Variants in BANF2 observed in about 807,000 individuals in gnomAD.
The protein encoded by BANF2 is BANF family member 2.
A neutral mutation model predicts 8.0 loss-of-function variants in BANF2; 4 were observed. That is an observed-to-expected ratio of 0.50 (90% CI 0.25 to 1.14). BANF2 has a LOEUF of 1.14. BANF2 is among the 50% of genes most tolerant of loss of function. The pLI, the probability that BANF2 is intolerant of heterozygous loss-of-function variation, is 0.16. For missense variants in BANF2, 96 were observed against 107.5 expected (o/e 0.89, Z 0.47); for synonymous variants, 50 against 40.6 (o/e 1.23, Z -0.88).
At chr20:17,713,820 C>T (rs1299720189) in intron 1 of BANF2, among the ~76,000 whole-genome samples, 1 of 151,518 alleles carries the variant, frequency 6.6e-6, no homozygotes, top group African/African-American at 2.4e-5. Flanking sequence ...GGGTGACAGA[C>T]TGAGACTCCA....
At chr20:17,711,784 T>C (rs538617514) in intron 1 of BANF2, among the ~76,000 whole-genome samples, 4 of 152,280 alleles carry the variant, frequency 2.6e-5, no homozygotes, top group Admixed American at 2.6e-4. Context: ...AACCACGCAT[T>C]GAGGTTCCCT....
At chr20:17,693,987 G>A (rs2037321229) in intron 1 of BANF2, among the ~76,000 whole-genome samples, 1 of 152,230 alleles carries the variant, frequency 6.6e-6, no homozygotes, top group Admixed American at 6.5e-5. Context: ...TCAGCCACTG[G>A]GGTGGGAACA....
At chr20:17,720,050 T>C (rs1600223021) in intron 1 of BANF2, among the ~76,000 whole-genome samples, 1 of 152,232 alleles carries the variant, frequency 6.6e-6, no homozygotes, top group East Asian at 1.9e-4. Context: ...CCTATGCTAA[T>C]GAAATCAAAC....
intron 1 of BANF2, among the ~76,000 whole-genome samples, chr20:17,694,850 G>A (rs765442483): frequency 2.0e-5 from 3 of 151,874 alleles, no homozygotes; most frequent in African/African-American, 2.4e-5. Context: ...TTGAACTCCC[G>A]GACTCAAGCA....
intron 1 of BANF2, among the ~76,000 whole-genome samples, chr20:17,714,447 A>T (rs903380019): frequency 1.3e-5 from 2 of 152,214 alleles, no homozygotes; most frequent in African/African-American, 2.4e-5. Flanking sequence ...CTATCAGACA[A>T]GTATGTCCAG....
chr20:17,734,786 G>A (rs916271159), intron 3 of BANF2, among the ~76,000 whole-genome samples: 1 of 152,258 alleles, frequency 6.6e-6, no homozygotes, highest in African/African-American at 2.4e-5. Flanking sequence ...CAATAGTGCC[G>A]AGGTTTAGAA....
intron 3 of BANF2, among the ~76,000 whole-genome samples, chr20:17,730,798 GCT>G (rs2037883587): frequency 6.6e-6 from 1 of 152,230 alleles, no homozygotes; most frequent in Admixed American, 6.5e-5. Context: ...GAGACGCTGT[GCT>G]CCACTGCCTG....
At chr20:17,700,773 G>A (rs2037395152) in intron 1 of BANF2, among the ~76,000 whole-genome samples, 1 of 152,194 alleles carries the variant, frequency 6.6e-6, no homozygotes, top group African/African-American at 2.4e-5. Context: ...GGCTGAGGGT[G>A]GTTTGAGACT....
intron 1 of BANF2, among the ~76,000 whole-genome samples, chr20:17,701,562 G>A (rs1014694372): frequency 3.8e-4 from 58 of 152,172 alleles, no homozygotes; most frequent in Admixed American, 3.1e-3. Context: ...GGAAGGGAAC[G>A]GGATTCTTGT....
chr20:17,693,734 C>T, intron 1 of BANF2: 1 of 1,551,154 alleles, frequency 6.4e-7, no homozygotes, highest in Non-Finnish European at 8.7e-7. Flanking sequence ...GACTTCCTTG[C>T]TCACGGTGGG....
intron 1 of BANF2, among the ~76,000 whole-genome samples, chr20:17,714,686 T>G (rs1402668219): frequency 6.6e-6 from 1 of 151,754 alleles, no homozygotes; most frequent in Non-Finnish European, 1.5e-5. Flanking sequence ...TTTTTTTTTT[T>G]GAAAAAATGG....
At chr20:17,728,316 G>A (rs1391361344) in intron 3 of BANF2, among the ~76,000 whole-genome samples, 2 of 152,256 alleles carry the variant, frequency 1.3e-5, no homozygotes, top group Admixed American at 6.5e-5. Flanking sequence ...TGGAATGCAG[G>A]CCTGTGGGCC....
chr20:17,719,281 C>A (rs1161772235), intron 1 of BANF2, among the ~76,000 whole-genome samples: 1 of 152,088 alleles, frequency 6.6e-6, no homozygotes, highest in Non-Finnish European at 1.5e-5. Flanking sequence ...CCTGCCCCCA[C>A]GCCCAGCTAA....
intron 1 of BANF2, among the ~76,000 whole-genome samples, chr20:17,718,882 A>C (rs2037690900): frequency 6.6e-6 from 1 of 152,210 alleles, no homozygotes; most frequent in Non-Finnish European, 1.5e-5. Context: ...TTTGTGGTTC[A>C]AAATACAGTA....
intron 1 of BANF2, among the ~76,000 whole-genome samples, chr20:17,706,643 T>A (rs2037485807): frequency 6.6e-6 from 1 of 152,150 alleles, no homozygotes. Context: ...ATGGCAGGAA[T>A]GGAGAGGTAG....
chr20:17,730,554 C>G (rs191172342), intron 3 of BANF2, among the ~76,000 whole-genome samples: 15 of 152,320 alleles, frequency 9.8e-5, no homozygotes, highest in Non-Finnish European at 1.6e-4. Context: ...GGGCTCTGCT[C>G]TCTCTCGCAT....
chr20:17,710,118 G>A (rs970749944), intron 1 of BANF2, among the ~76,000 whole-genome samples: 2 of 152,186 alleles, frequency 1.3e-5, no homozygotes, highest in African/African-American at 2.4e-5. Flanking sequence ...GTGTGGGGCT[G>A]GGTACTTACC....
In BANF2 at chr20:17,708,253, C is replaced by A. The variant is rs76939811; in HGVS notation, c.-167+8198C>A. Among the ~76,000 whole-genome samples the A allele has an allele frequency of 3.4e-4, 51 of 151,842 alleles. 2 individuals carry two copies. In the East Asian group the frequency reaches 9.3e-3, roughly 28 times the overall value. On this transcript the variant is annotated intron_variant, in intron 1 of 3. Coordinates refer to ENST00000246090, the MANE Select transcript of BANF2 (RefSeq NM_178477.5). Reference sequence around the variant, plus strand: ...AAAAACAAAAACAAACAGAAAAAAACCTGAGATCCCTGATCCACAAAAGCC... The same window carrying A: ...AAAAACAAAAACAAACAGAAAAAAAACTGAGATCCCTGATCCACAAAAGCC...
In BANF2 at chr20:17,713,498, C is replaced by T. The variant is rs559716288; in HGVS notation, c.-166-9218C>T. Among the ~76,000 whole-genome samples the T allele has an allele frequency of 4.6e-5, 7 of 152,240 alleles. No homozygotes were observed. In the South Asian group the frequency reaches 8.3e-4, roughly 18 times the overall value. ...AATGTTCTGAAGATTGGCCCAACAA[C>T]GTGAGTACATTGAACACTACTGCAC... is the stretch of plus-strand genomic sequence containing the variant. On this transcript the variant is annotated intron_variant, in intron 1 of 3. Transcript: ENST00000246090.
Sources: gnomAD v4.1 joint callset for allele counts (sites outside exome capture counted in the v4.1 genomes callset) on GRCh38, gnomAD v4.1.1 for gene constraint, MANE v1.5 for transcripts, NCBI Gene and HGNC (gene_info 2026-07-23, HGNC 2026-07-21) for gene names.